The following ABCA1 variants were observed in gnomAD, a reference collection of about 807,000 sequenced individuals.
ABCA1 encodes the protein ATP binding cassette subfamily A member 1, also known as phospholipid-transporting ATPase ABCA1.
ABCA1 carries 133 observed loss-of-function variants against 262.5 expected under a neutral mutation model. The ratio of observed to expected loss-of-function variants is 0.51; its 90% CI spans 0.44 to 0.59. ABCA1 has a LOEUF of 0.59. Among genes scored for constraint, ABCA1 ranks in the 20% least tolerant of loss-of-function variants. The pLI is 0.00. For missense variants in ABCA1, 2,452 were observed against 2,777.5 expected (o/e 0.88, Z 2.63); for synonymous variants, 1,022 against 1,043.5 (o/e 0.98, Z 0.40).
At chr9:104,915,383 C>T (rs187856106) in intron 1 of ABCA1, among the ~76,000 whole-genome samples, 1 of 152,328 alleles carries the variant, frequency 6.6e-6, no homozygotes, top group Admixed American at 6.5e-5. Context: ...CCAAAACTTA[C>T]AAGCAAACTC....
rs1446919610 is a variant in ABCA1 at position 104,814,444 on chromosome 9, A to G, written c.3770T>C (p.Val1257Ala). Residue 1257 changes from valine to alanine, a missense_variant, in exon 26 of 50, where the codon GTG (valine) becomes GCG (alanine). By Grantham distance (64) the Val-to-Ala change is moderately conservative. Transcript: ENST00000374736. The stretch of plus-strand genomic sequence containing the variant: ...GCAGTTACCTGAGGTCTCAGCATCC[A>G]CCCCACTCTCTTCGGCCACCTTGAG... The part of the protein sequence containing the change: ...IFLKVAEESG[V>A]DAETSDGTLP... 6.2e-7 allele frequency: 1 copy of G among 1,613,990 alleles called. No individual in the cohort carries two copies. The highest frequency in any genetic ancestry group is 8.5e-7 in the Non-Finnish European group (1 of 1,180,032).
In ABCA1 at chr9:104,884,551, CTTTA is replaced by C; in HGVS notation, c.174_177del (p.Asn58LysfsTer64). The stretch of plus-strand genomic sequence containing the variant: ...GGAAGTGTTCCTGCAGAGGGCATGG[CTTTA>C]TTTGGAAAATGGCCTGTTGAAATCG... On this transcript the variant is annotated frameshift_variant, in exon 4 of 50. Transcript: ENST00000374736. LOFTEE classifies it high-confidence loss of function. 6.2e-7 allele frequency: 1 copy of C among 1,614,160 alleles called. No homozygotes were observed. The highest frequency in any genetic ancestry group is 8.5e-7 in the Non-Finnish European group (1 of 1,180,028).
intron 5 of ABCA1, among the ~76,000 whole-genome samples, chr9:104,870,266 A>T (rs1014867055): frequency 1.3e-5 from 2 of 152,228 alleles, no homozygotes; most frequent in Non-Finnish European, 2.9e-5. Flanking sequence ...TGTGGTTCAA[A>T]GGGATAATAT....
chr9:104,830,811 T>C (rs557657578), intron 14 of ABCA1, 114 bp downstream of exon 14: 2 of 1,236,070 alleles, frequency 1.6e-6, no homozygotes, highest in African/African-American at 1.5e-5. Context: ...ACAACTTACA[T>C]CTGGCATCTT....
chr9:104,854,961 A>C (rs1835708765), intron 7 of ABCA1, among the ~76,000 whole-genome samples: 1 of 152,238 alleles, frequency 6.6e-6, no homozygotes, highest in Non-Finnish European at 1.5e-5. Flanking sequence ...TTAAGTAAAA[A>C]GCAGAGAACA....
chr9:104,844,757 C>A (rs1238017053), intron 8 of ABCA1, among the ~76,000 whole-genome samples: 2 of 152,210 alleles, frequency 1.3e-5, no homozygotes, highest in Non-Finnish European at 2.9e-5. Flanking sequence ...GTGAGCACTG[C>A]CCCCTGGCTC....
chr9:104,820,311 G>T (rs567846648), intron 20 of ABCA1, among the ~76,000 whole-genome samples: 1 of 152,254 alleles, frequency 6.6e-6, no homozygotes, highest in Non-Finnish European at 1.5e-5. Context: ...TTTCCAGCAG[G>T]CCTGGCCACC....
At position 104,837,099 on chromosome 9, in the gene ABCA1, G is replaced by A; in HGVS notation, c.1195-3C>T. ...AGTTCCTGGAAGGTCTTGTTCACCT[G>A]GAGTCAGGTGGGGAGCCAGGGACCG... On this transcript the variant is annotated splice_region_variant and splice_polypyrimidine_tract_variant and intron_variant, in intron 10 of 49. Transcript: ENST00000374736. 6.2e-7 allele frequency: 1 copy of A among 1,610,140 alleles called. No homozygotes were observed. The highest frequency in any genetic ancestry group is 8.5e-7 in the Non-Finnish European group (1 of 1,177,730).
intron 1 of ABCA1, among the ~76,000 whole-genome samples, chr9:104,914,314 T>TA (rs1841704254): frequency 6.6e-6 from 1 of 151,232 alleles, no homozygotes; most frequent in Admixed American, 6.6e-5. Flanking sequence ...CCATCTCCAC[T>TA]AAAAATACAA....
chr9:104,830,843 G>A, intron 14 of ABCA1, 82 bp downstream of exon 14: 1 of 1,466,366 alleles, frequency 6.8e-7, no homozygotes, highest in Non-Finnish European at 9.5e-7. Flanking sequence ...ATTCACACAT[G>A]CATGCACATG....
chr9:104,875,890 C>T (rs1838121097), intron 5 of ABCA1, among the ~76,000 whole-genome samples: 1 of 152,202 alleles, frequency 6.6e-6, no homozygotes, highest in African/African-American at 2.4e-5. Context: ...GCCCTAGGAA[C>T]AGCGTGAAAG....
chr9:104,786,441 A>C (rs142157628), intron 47 of ABCA1, 51 bp from the exon 48 acceptor site: 1 of 1,490,138 alleles, frequency 6.7e-7, no homozygotes. Context: ...CTCTGTAACC[A>C]TGAGAACATC....
chr9:104,868,250 T>G (rs1002326086), intron 5 of ABCA1, among the ~76,000 whole-genome samples: 3 of 152,070 alleles, frequency 2.0e-5, no homozygotes, highest in Non-Finnish European at 2.9e-5. Context: ...TCCCAGCTAC[T>G]CAGGAAGCTG....
chr9:104,850,119 T>TTTTGTTTGTTTGTTTG (rs61340012), intron 7 of ABCA1, among the ~76,000 whole-genome samples: 5 of 151,254 alleles, frequency 3.3e-5, no homozygotes, highest in African/African-American at 9.8e-5. Flanking sequence ...GGAGTGTTCT[T>TTTTGTTTGTTTGTTTG]TTTGTTTGTT....
In ABCA1 at chr9:104,818,630, C is replaced by G. The variant is rs999410877; in HGVS notation, c.3462+33G>C. 1.9e-6 allele frequency: 3 copies of G among 1,604,436 alleles called. No homozygotes were observed. The South Asian group carries it at 3.3e-5, about 18-fold the overall frequency. ...CCAGCAAGTCCTGGCTGCCCAGACCCAACACCAGCCCAGCACCAAGACTGC... is the reference window on the plus strand; with the variant it reads ...CCAGCAAGTCCTGGCTGCCCAGACCGAACACCAGCCCAGCACCAAGACTGC... On this transcript the variant is annotated intron_variant, in intron 23 of 49. Transcript: ENST00000374736.
At position 104,834,620 on chromosome 9, in the gene ABCA1, G is replaced by A. The variant is rs1042565527; in HGVS notation, c.1312-1849C>T. Among the ~76,000 whole-genome samples, 14 of 149,246 alleles carry A rather than the reference G, an allele frequency of 9.4e-5. 1 individual carries two copies. The highest frequency in any genetic ancestry group is 3.4e-4 in the African/African-American group (14 of 40,868). ...GAAAGATGCGCCCACTGAGATCACT[G>A]AGCACGTGGCCTCTCTGGGGTGCTC... On this transcript the variant is annotated intron_variant, in intron 11 of 49. Coordinates refer to ENST00000374736, the MANE Select transcript of ABCA1 (RefSeq NM_005502.4).
intron 7 of ABCA1, among the ~76,000 whole-genome samples, chr9:104,850,123 G>C (rs2119068556): frequency 6.6e-6 from 1 of 152,000 alleles, no homozygotes; most frequent in East Asian, 1.9e-4. Flanking sequence ...TGTTCTTTTT[G>C]TTTGTTTGTT....
chr9:104,827,029 G>A lies in ABCA1; in HGVS notation c.2256C>T (p.Ile752=). 1 of 1,614,224 alleles carries A rather than the reference G, an allele frequency of 6.2e-7. No homozygotes were observed. Among genetic ancestry groups the A allele is most frequent in the Non-Finnish European group, 8.5e-7 (1 of 1,180,040 alleles). The change falls in exon 16 of 50, where the codon ATC becomes ATT. Residue 752 remains isoleucine (I), a synonymous_variant. Transcript: ENST00000374736. ...RANLAAACGG[I]IYFTLYLPYV... ...AGGGCAGGTACAGCGTGAAGTAGATGATGCCCCCACAGGCTGCTGCCAGGT... is the reference window on the plus strand; with the variant it reads ...AGGGCAGGTACAGCGTGAAGTAGATAATGCCCCCACAGGCTGCTGCCAGGT...
At chr9:104,902,561 GT>G (rs1746168857) in intron 2 of ABCA1, among the ~76,000 whole-genome samples, 8 of 152,178 alleles carry the variant, frequency 5.3e-5, no homozygotes, top group Admixed American at 5.2e-4. Flanking sequence ...CACTTAATTT[GT>G]AAATATGTAT....
Sources: allele counts gnomAD v4.1 joint callset (sites outside exome capture counted in the v4.1 genomes callset), GRCh38; gene constraint gnomAD v4.1.1; transcripts MANE v1.5; gene names NCBI Gene and HGNC (gene_info 2026-07-23, HGNC 2026-07-21).